The following ZDHHC22 variants were observed in gnomAD, a reference collection of about 807,000 sequenced individuals.
The protein encoded by ZDHHC22 is palmitoyltransferase ZDHHC22.
A neutral mutation model predicts 17.0 loss-of-function variants in ZDHHC22; 13 were observed. The observed-to-expected ratio is 0.76, with a 90% CI of 0.50 to 1.21. ZDHHC22 has a LOEUF of 1.21. Among genes scored for constraint, ZDHHC22 ranks in the 50% most tolerant of loss-of-function variants. The probability of loss-of-function intolerance (pLI) is 0.00; values close to 1 mark genes in which losing one functional copy is unlikely to be tolerated. For missense variants in ZDHHC22, 319 were observed against 342.3 expected, an observed-to-expected ratio of 0.93 and a Z score of 0.54; for synonymous variants, 138 against 154.7, an observed-to-expected ratio of 0.89 and a Z score of 0.80.
rs1887072784 is a variant in ZDHHC22 at position 77,133,506 on chromosome 14, C to A, written c.*177G>T. ...TAGAAATGCCTGGGGGGACATTTTT[C>A]CTCCTTGTCATGATCCACCAGCTCA... On this transcript the variant is annotated 3_prime_UTR_variant, in exon 3 of 3. Transcript: ENST00000319374. 2 of 893,994 alleles carry A rather than the reference C, an allele frequency of 2.2e-6. No individual in the cohort carries two copies. The highest frequency in any genetic ancestry group is 3.2e-6 in the Non-Finnish European group (2 of 631,410). 55.4% of individuals were successfully genotyped at this position (893,994 alleles called of 1,614,324 possible).
In ZDHHC22 at chr14:77,132,526, T is replaced by C. The variant is rs377399724; in HGVS notation, c.*1157A>G. ...CAACCAGGACATCAGAACCTTGGGG[T>C]TGGAAGGAATGTGTAAGCTCACCTA... On this transcript the variant is annotated 3_prime_UTR_variant, in exon 3 of 3. Transcript: ENST00000319374. 1 of 152,084 alleles carries C rather than the reference T, an allele frequency of 6.6e-6. No homozygotes were observed. 9.4% of individuals were successfully genotyped at this position (152,084 alleles called of 1,614,324 possible). A position where few individuals can be genotyped will look rare whatever the true frequency, so the allele number is the denominator to read the frequency against.
In ZDHHC22 at chr14:77,134,535, G is replaced by C. The variant is rs74473989; in HGVS notation, c.527-587C>G. Among the ~76,000 whole-genome samples, 1,200 of 152,278 alleles carry C rather than the reference G, an allele frequency of 7.9e-3. 24 individuals are homozygous for C. Among genetic ancestry groups the C allele is most frequent in the African/African-American group, 0.028 (1,161 of 41,540 alleles). ...GAGCAGCCCAGAACACCAACGTAGA[G>C]AATAATTCAGTCATTAATGTTAACA... On this transcript the variant is annotated intron_variant, in intron 2 of 2. Coordinates refer to ENST00000319374, the MANE Select transcript of ZDHHC22 (RefSeq NM_174976.2).
At chr14:77,141,032 C>T (rs1887243369) in intron 1 of ZDHHC22, 1 of 152,448 alleles carries the variant, frequency 6.6e-6, no homozygotes. Flanking sequence ...CCTTGGAATC[C>T]CCTTTGCAGG....
rs373229999 is a variant in ZDHHC22, at chr14:77,139,556, G to T, written c.183C>A (p.Ala61=). ...GGATGACAAGGACGTAATTGCCCAG[G>T]GCGTTGGCCGAGAGGAATAGGAAGA... The part of the protein sequence containing the change: ...GALFLFLSAN[A]LGNYVLVIQN... The change falls in exon 2 of 3, where the codon GCC becomes GCA. Residue 61 remains alanine (A), a synonymous_variant. Coordinates refer to ENST00000319374, the MANE Select transcript of ZDHHC22 (RefSeq NM_174976.2). 1.8e-4 allele frequency: 291 copies of T among 1,604,486 alleles called. No homozygotes were observed. The African/African-American group carries it at 3.1e-3, about 17-fold the overall frequency.
chr14:77,135,190 T>TG (rs11350828), intron 2 of ZDHHC22, among the ~76,000 whole-genome samples: 7,631 of 143,800 alleles, frequency 0.053, 763 homozygotes, highest in African/African-American at 0.16. Flanking sequence ...CCTCCTCTGG[T>TG]GGGGGGGGGG....
upstream of ZDHHC22, chr14:77,141,822 AC>A (rs1245618973): frequency 2.0e-5 from 3 of 151,298 alleles, no homozygotes; most frequent in Non-Finnish European, 3.0e-5. Context: ...GCAGCTGGGC[AC>A]CCCCCAGCCC....
chr14:77,134,491 G>A (rs1368967040), intron 2 of ZDHHC22, among the ~76,000 whole-genome samples: 3 of 152,166 alleles, frequency 2.0e-5, no homozygotes, highest in Non-Finnish European at 2.9e-5. Context: ...GGAAGAATAA[G>A]TCACGAGCTT....
Position 77,133,668 on chromosome 14 carries a change from T to C in ZDHHC22, c.*15A>G. ...GTCAAGACAGAGACAGAGAGATAAA[T>C]GACGGGAGTGTCTACTACTTATCCT... On this transcript the variant is annotated 3_prime_UTR_variant, in exon 3 of 3. Transcript: ENST00000319374. The C allele has an allele frequency of 6.2e-7, 1 of 1,604,850 alleles. No homozygotes were observed. Among genetic ancestry groups the C allele is most frequent in the Admixed American group, 1.7e-5 (1 of 59,356 alleles).
chr14:77,139,454 G>A lies in ZDHHC22; in HGVS notation c.285C>T (p.His95=), dbSNP rs1594831656. Residue 95 remains histidine, a synonymous_variant, in exon 2 of 3, where the codon CAC becomes CAT. Coordinates refer to ENST00000319374, the MANE Select transcript of ZDHHC22 (RefSeq NM_174976.2). ...RKTPCPSPST[H]FCRVCARVTL... The stretch of plus-strand genomic sequence containing the variant: ...TGACTCTGGCGCACACTCGGCAGAA[G>A]TGGGTGCTAGGTGAGGGGCATGGAG... 6.2e-7 allele frequency: 1 copy of A among 1,613,194 alleles called. No individual in the cohort carries two copies. Among genetic ancestry groups the A allele is most frequent in the Admixed American group, 1.7e-5 (1 of 59,894 alleles).
intron 2 of ZDHHC22, among the ~76,000 whole-genome samples, chr14:77,134,386 C>G (rs1394673530): frequency 6.6e-6 from 1 of 152,104 alleles, no homozygotes; most frequent in East Asian, 1.9e-4. Flanking sequence ...GGAGCAGGTG[C>G]CTGGGCAGCT....
rs1887047561 is a variant in ZDHHC22 at position 77,132,552 on chromosome 14, G to GGT, written c.*1130_*1131insAC. On this transcript the variant is annotated 3_prime_UTR_variant, in exon 3 of 3. Coordinates refer to ENST00000319374, the MANE Select transcript of ZDHHC22 (RefSeq NM_174976.2). The stretch of plus-strand genomic sequence containing the variant: ...TGGAAGGAATGTGTAAGCTCACCTA[G>GGT]AATGACCCTGTACAGAAATCCCTTC... 6.6e-6 allele frequency: 1 copy of GGT among 152,176 alleles called. No individual in the cohort carries two copies. The allele number at this position is 152,176 out of a possible 1,614,324, so 9.4% of individuals were successfully genotyped here.
Position 77,139,213 on chromosome 14 carries a change from C to T in ZDHHC22, c.526G>A (p.Gly176Arg), listed in dbSNP as rs758260218. Residue 176 changes from glycine (G) to arginine (R), a missense_variant and splice_region_variant, in exon 2 of 3, where the codon GGA becomes AGA. Coordinates refer to ENST00000319374, the MANE Select transcript of ZDHHC22 (RefSeq NM_174976.2). ...AACCTGCCCGCCAAGGCCCACTCAC[C>T]GGAGAAGAACTGGCTGATGGAGGTG... ...LPTSISQFFS[G>R]AVLGSEMFVI... 7.6e-6 allele frequency: 12 copies of T among 1,571,532 alleles called. No homozygotes were observed. Among genetic ancestry groups the T allele is most frequent in the African/African-American group, 2.7e-5 (2 of 73,984 alleles).
chr14:77,134,827 T>C (rs1272568793), intron 2 of ZDHHC22, among the ~76,000 whole-genome samples: 1 of 152,200 alleles, frequency 6.6e-6, no homozygotes, highest in Non-Finnish European at 1.5e-5. Flanking sequence ...ACCTCTCAGT[T>C]GCAGCTCGTT....
At chr14:77,136,255 C>T (rs1236573469) in intron 2 of ZDHHC22, among the ~76,000 whole-genome samples, 2 of 150,672 alleles carry the variant, frequency 1.3e-5, no homozygotes, top group Non-Finnish European at 3.0e-5. Flanking sequence ...GGTTTGGAAT[C>T]GTACCAGCTG....
chr14:77,139,432 C>T lies in ZDHHC22; in HGVS notation c.307G>A (p.Val103Ile). 1 of 1,612,592 alleles carries T rather than the reference C, an allele frequency of 6.2e-7. No individual in the cohort carries two copies. Among genetic ancestry groups the T allele is most frequent in the Middle Eastern group, 1.6e-4 (1 of 6,062 alleles). The change falls in exon 2 of 3, where the codon GTC (valine) becomes ATC (isoleucine). Residue 103 changes from valine (V) to isoleucine (I), a missense_variant. Val to Ile is a conservative substitution (Grantham distance 29). Coordinates refer to ENST00000319374, the MANE Select transcript of ZDHHC22 (RefSeq NM_174976.2). ...STHFCRVCAR[V>I]TLRHDHHCFF... ...CAGTGATGGTCGTGCCTCAGGGTGACTCTGGCGCACACTCGGCAGAAGTGG... is the reference window on the plus strand; with the variant it reads ...CAGTGATGGTCGTGCCTCAGGGTGATTCTGGCGCACACTCGGCAGAAGTGG...
intron 2 of ZDHHC22, 79 bp downstream of exon 2, chr14:77,139,134 G>A (rs1220912378): frequency 2.7e-6 from 4 of 1,459,972 alleles, no homozygotes; most frequent in East Asian, 5.0e-5. Flanking sequence ...AACTTTTGGG[G>A]TTGGGGTTTG....
Position 77,133,569 on chromosome 14 carries a change from A to G in ZDHHC22, c.*114T>C. The G allele has an allele frequency of 7.1e-7, 1 of 1,401,630 alleles. No homozygotes were observed. Among genetic ancestry groups the G allele is most frequent in the Non-Finnish European group, 9.6e-7 (1 of 1,042,424 alleles). 86.8% of individuals were successfully genotyped at this position (1,401,630 alleles called of 1,614,324 possible). A position where few individuals can be genotyped will look rare whatever the true frequency, so the allele number is the denominator to read the frequency against. On this transcript the variant is annotated 3_prime_UTR_variant, in exon 3 of 3. Transcript: ENST00000319374. ...GGGTGGAAGGTGAGGGGAAGATGCTAGGACCTTACCAGCACAAGGTTGTAG... is the reference window on the plus strand; with the variant it reads ...GGGTGGAAGGTGAGGGGAAGATGCTGGGACCTTACCAGCACAAGGTTGTAG...
chr14:77,137,374 C>T (rs895509458), intron 2 of ZDHHC22, among the ~76,000 whole-genome samples: 1 of 152,188 alleles, frequency 6.6e-6, no homozygotes, highest in Admixed American at 6.5e-5. Flanking sequence ...CACATATGGA[C>T]AGGCCTCAAG....
rs1887059959 is a variant in ZDHHC22, at chr14:77,132,868, A to C, written c.*815T>G. ...CACTTCCATATGGTTATACAGTCGA[A>C]TATCCCCTTCATTTATCAGTAATTA... On this transcript the variant is annotated 3_prime_UTR_variant, in exon 3 of 3. Coordinates refer to ENST00000319374, the MANE Select transcript of ZDHHC22 (RefSeq NM_174976.2). 1 of 149,708 alleles carries C rather than the reference A, an allele frequency of 6.7e-6. No individual in the cohort carries two copies. Among genetic ancestry groups the C allele is most frequent in the Non-Finnish European group, 1.5e-5 (1 of 67,646 alleles). 9.3% of individuals were successfully genotyped at this position (149,708 alleles called of 1,614,324 possible). A position where few individuals can be genotyped will look rare whatever the true frequency, so the allele number is the denominator to read the frequency against.
Sources: allele counts gnomAD v4.1 joint callset (sites outside exome capture counted in the v4.1 genomes callset), GRCh38; gene constraint gnomAD v4.1.1; transcripts MANE v1.5; gene names NCBI Gene and HGNC (gene_info 2026-07-23, HGNC 2026-07-21).